The following EXD1 variants were observed in gnomAD, a reference collection of about 807,000 sequenced individuals.
The protein encoded by EXD1 is piRNA biogenesis protein EXD1.
Under a neutral mutation model 49.1 loss-of-function variants are expected in EXD1, and 63 were observed. The observed-to-expected ratio is 1.28, with a 90% CI of 1.05 to 1.58. The LOEUF (loss-of-function observed/expected upper bound fraction) is 1.58. Among genes scored for constraint, EXD1 ranks in the 40% most tolerant of loss-of-function variants. The probability of loss-of-function intolerance (pLI) is 0.00; values close to 1 mark genes in which losing one functional copy is unlikely to be tolerated. For synonymous variants in EXD1, 234 were observed against 239.2 expected (o/e 0.98, Z 0.20); for missense variants, 748 against 666.0 (o/e 1.12, Z -1.36).
rs774644650 is a variant in EXD1 at position 41,183,965 on chromosome 15, T to A, written c.1685A>T (p.Asp562Val). ...LPPCPALEKI[D>V]SWISPFLNLP ...ATTTAGAAAAGGACTTATCCAGGAATCGATCTTCTCCAAGGCTGGACAGGG... is the reference window on the plus strand; with the variant it reads ...ATTTAGAAAAGGACTTATCCAGGAAACGATCTTCTCCAAGGCTGGACAGGG... The change falls in exon 12 of 12, where the codon GAT becomes GTT. Residue 562 changes from aspartate (D) to valine (V), a missense_variant. Physicochemically the swap from Asp to Val is radical, Grantham distance 152. Transcript: ENST00000458580. The A allele has an allele frequency of 6.2e-7, 1 of 1,607,374 alleles. No individual in the cohort carries two copies. The highest frequency in any genetic ancestry group is 8.5e-7 in the Non-Finnish European group (1 of 1,176,642).
chr15:41,220,862 G>A (rs569871978), intron 2 of EXD1, among the ~76,000 whole-genome samples: 5 of 152,196 alleles, frequency 3.3e-5, no homozygotes, highest in Admixed American at 2.6e-4. Context: ...CCAAAAAAAT[G>A]TTTTGCAACC....
Position 41,184,599 on chromosome 15 carries a change from A to G in EXD1, c.1057-6T>C. The G allele has an allele frequency of 1.3e-6, 2 of 1,560,806 alleles. No homozygotes were observed. Among genetic ancestry groups the G allele is most frequent in the Non-Finnish European group, 1.7e-6 (2 of 1,159,558 alleles). The stretch of plus-strand genomic sequence containing the variant: ...GGCAGCTCCATACATGTAGGCTAAG[A>G]AGAGAAAGCGAACACAAGTTTATTA... On this transcript the variant is annotated splice_polypyrimidine_tract_variant and splice_region_variant and intron_variant, in intron 11 of 11. Transcript: ENST00000458580.
chr15:41,189,133 C>T (rs1289761353), intron 11 of EXD1, among the ~76,000 whole-genome samples: 1 of 151,958 alleles, frequency 6.6e-6, no homozygotes, highest in East Asian at 1.9e-4. Context: ...TTTGAGAGGC[C>T]AAGGCAGGCT....
chr15:41,205,495 T>C (rs932336532), intron 7 of EXD1, among the ~76,000 whole-genome samples: 14 of 152,208 alleles, frequency 9.2e-5, no homozygotes, highest in Non-Finnish European at 1.5e-4. Flanking sequence ...AAAACAAAGT[T>C]GGTTGGGTGC....
rs547163485 is a variant in EXD1 at position 41,193,063 on chromosome 15, T to C, written c.721-1478A>G. 2.9e-3 allele frequency among the ~76,000 whole-genome samples: 438 copies of C among 152,024 alleles called. 8 individuals carry two copies. Among genetic ancestry groups the C allele is most frequent in the Non-Finnish European group, 8.8e-4 (60 of 67,978 alleles). On this transcript the variant is annotated intron_variant, in intron 9 of 11. Transcript: ENST00000458580. ...CCTCCCAAAGTGCTGGGATTACAAGTGTGAGCCACCGCGCCCGGCCTCTTA... is the reference window on the plus strand; with the variant it reads ...CCTCCCAAAGTGCTGGGATTACAAGCGTGAGCCACCGCGCCCGGCCTCTTA...
At chr15:41,210,872 A>C (rs951869873) in intron 6 of EXD1, among the ~76,000 whole-genome samples, 1 of 152,204 alleles carries the variant, frequency 6.6e-6, no homozygotes, top group Non-Finnish European at 1.5e-5. Context: ...TACACTAGCA[A>C]CATATCTCCC....
chr15:41,208,885 C>T (rs1026394552), intron 7 of EXD1, among the ~76,000 whole-genome samples: 13 of 151,938 alleles, frequency 8.6e-5, no homozygotes, highest in Admixed American at 2.0e-4. Context: ...CGACACTCTT[C>T]ATAGAACTAA....
chr15:41,219,716 C>T, intron 3 of EXD1, 114 bp downstream of exon 3: 1 of 799,826 alleles, frequency 1.3e-6, no homozygotes, highest in South Asian at 1.7e-5. Context: ...TAAGAAGGAT[C>T]AATTCTCAAA....
intron 7 of EXD1, among the ~76,000 whole-genome samples, chr15:41,206,440 C>A (rs1328851217): frequency 7.0e-6 from 1 of 143,240 alleles, no homozygotes; most frequent in African/African-American, 2.6e-5. Context: ...TGCACCACTG[C>A]ACTCCAGCCT....
chr15:41,230,718 C>A lies in EXD1; in HGVS notation c.-293G>T, dbSNP rs991991896. Reference sequence around the variant, plus strand: ...TCCGCGACGCCGGGGACACACGCCGCAGAGGCGACGCCCGCCCGGCCCAAC... The same window carrying A: ...TCCGCGACGCCGGGGACACACGCCGAAGAGGCGACGCCCGCCCGGCCCAAC... On this transcript the variant is annotated 5_prime_UTR_variant, in exon 1 of 12. Coordinates refer to ENST00000458580, the MANE Select transcript of EXD1 (RefSeq NM_001286441.2). The A allele has an allele frequency of 1.5e-6, 1 of 663,244 alleles. No homozygotes were observed. Among genetic ancestry groups the A allele is most frequent in the Non-Finnish European group, 2.5e-6 (1 of 400,710 alleles). 41.1% of individuals were successfully genotyped at this position (663,244 alleles called of 1,614,324 possible). A position where few individuals can be genotyped will look rare whatever the true frequency, so the allele number is the denominator to read the frequency against.
intron 7 of EXD1, among the ~76,000 whole-genome samples, chr15:41,206,885 G>A (rs1263791241): frequency 2.1e-5 from 3 of 139,836 alleles, no homozygotes; most frequent in Non-Finnish European, 4.6e-5. Flanking sequence ...CTCCCAAAGT[G>A]CTGGGATTAC....
At chr15:41,226,027 C>T (rs938692716) in intron 2 of EXD1, among the ~76,000 whole-genome samples, 3 of 152,082 alleles carry the variant, frequency 2.0e-5, no homozygotes, top group Non-Finnish European at 2.9e-5. Flanking sequence ...CCAAGGCAGG[C>T]GGATCACGAG....
chr15:41,226,009 T>C (rs914319674), intron 2 of EXD1, among the ~76,000 whole-genome samples: 2 of 152,072 alleles, frequency 1.3e-5, no homozygotes, highest in East Asian at 3.9e-4. Context: ...TCGCAGAACT[T>C]TGGGAGGCCA....
At chr15:41,193,267 A>G (rs576024020) in intron 9 of EXD1, among the ~76,000 whole-genome samples, 3 of 152,114 alleles carry the variant, frequency 2.0e-5, no homozygotes, top group African/African-American at 7.2e-5. Context: ...ATGGTTATTT[A>G]TTAGTCTTTG....
At chr15:41,229,927 A>C (rs1330660038) in intron 1 of EXD1, among the ~76,000 whole-genome samples, 1 of 152,058 alleles carries the variant, frequency 6.6e-6, no homozygotes, top group South Asian at 2.1e-4. Flanking sequence ...CTACGACAAA[A>C]ATATCCTGGT....
intron 7 of EXD1, among the ~76,000 whole-genome samples, chr15:41,203,291 G>C (rs531714020): frequency 1.3e-5 from 2 of 152,108 alleles, no homozygotes; most frequent in Non-Finnish European, 2.9e-5. Context: ...GACAGATCAT[G>C]TATTCTCTGG....
intron 6 of EXD1, among the ~76,000 whole-genome samples, chr15:41,212,445 A>G (rs2046936150): frequency 6.7e-6 from 1 of 148,442 alleles, no homozygotes; most frequent in African/African-American, 2.6e-5. Flanking sequence ...ACAGAGCAAG[A>G]CTCCGTCTCA....
At chr15:41,189,286 T>C (rs938306471) in intron 11 of EXD1, among the ~76,000 whole-genome samples, 1 of 147,808 alleles carries the variant, frequency 6.8e-6, no homozygotes, top group African/African-American at 2.5e-5. Flanking sequence ...GAGAATTCCT[T>C]GAACCCAGGA....
At chr15:41,206,929 CTTTTTTTTT>C (rs532980257) in intron 7 of EXD1, among the ~76,000 whole-genome samples, 1 of 54,380 alleles carries the variant, frequency 1.8e-5, no homozygotes, top group African/African-American at 6.3e-5. Flanking sequence ...CTATTCAACT[CTTTTTTTTT>C]TTTTTTTTTT....
Sources: allele counts gnomAD v4.1 joint callset (sites outside exome capture counted in the v4.1 genomes callset), GRCh38; gene constraint gnomAD v4.1.1; transcripts MANE v1.5; gene names NCBI Gene and HGNC (gene_info 2026-07-23, HGNC 2026-07-21).